KCNMA1: variants seen among roughly 807,000 people sequenced by gnomAD.
The protein encoded by KCNMA1 is potassium calcium-activated channel subfamily M alpha 1, also known as Calcium-activated potassium channel subunit alpha-1.
A neutral mutation model predicts 140.0 loss-of-function variants in KCNMA1; 29 were observed. That is an observed-to-expected ratio of 0.21 (90% CI 0.15 to 0.28). The LOEUF (loss-of-function observed/expected upper bound fraction) is 0.28. KCNMA1 is among the 10% of genes least tolerant of loss of function. The pLI, the probability that KCNMA1 is intolerant of heterozygous loss-of-function variation, is 1.00. For missense variants in KCNMA1, 880 were observed against 1,602.2 expected, an observed-to-expected ratio of 0.55 and a Z score of 7.70; for synonymous variants, 612 against 611.9, an observed-to-expected ratio of 1.00 and a Z score of 0.00.
At chr10:77,039,782 A>T (rs535055696) in intron 14 of KCNMA1, 145 bp from the exon 15 acceptor site, 33 of 690,128 alleles carry the variant, frequency 4.8e-5, no homozygotes, top group Admixed American at 1.2e-4. Context: ...CGGCCTCTGC[A>T]CCCATATAAA....
chr10:77,477,448 G>T (rs2098302528), intron 1 of KCNMA1, among the ~76,000 whole-genome samples: 1 of 152,270 alleles, frequency 6.6e-6, no homozygotes, highest in African/African-American at 2.4e-5. Context: ...GGCTCACAGG[G>T]GAAAGACTGC....
chr10:77,144,976 G>A lies in KCNMA1; in HGVS notation c.809-23928C>T, dbSNP rs116349171. Reference sequence around the variant, plus strand: ...AACGATGTTTGCAAAGCTCTGCACAGGGTCTGACACTCAGCAAATTCTCCT... The same window carrying A: ...AACGATGTTTGCAAAGCTCTGCACAAGGTCTGACACTCAGCAAATTCTCCT... On this transcript the variant is annotated intron_variant, in intron 5 of 27. Coordinates refer to ENST00000286628, the MANE Select transcript of KCNMA1 (RefSeq NM_001161352.2). 4.9e-3 allele frequency among the ~76,000 whole-genome samples: 753 copies of A among 152,288 alleles called. 8 individuals carry two copies. The highest frequency in any genetic ancestry group is 0.018 in the African/African-American group (730 of 41,546).
chr10:77,048,769 T>C (rs2095230917), intron 14 of KCNMA1, among the ~76,000 whole-genome samples: 1 of 152,182 alleles, frequency 6.6e-6, no homozygotes, highest in Non-Finnish European at 1.5e-5. Flanking sequence ...CATGACTTTT[T>C]TGTTTTTTTG....
At chr10:77,434,002 G>T (rs1376487307) in intron 1 of KCNMA1, among the ~76,000 whole-genome samples, 1 of 152,208 alleles carries the variant, frequency 6.6e-6, no homozygotes, top group Admixed American at 6.5e-5. Context: ...CATTTAGGAA[G>T]CTCAGTTAAA....
chr10:76,921,664 C>T (rs999544574), intron 23 of KCNMA1, among the ~76,000 whole-genome samples: 1 of 152,140 alleles, frequency 6.6e-6, no homozygotes, highest in African/African-American at 2.4e-5. Flanking sequence ...GTCATTTTTG[C>T]AGTATGTATT....
chr10:77,548,875 G>T (rs546644228), intron 1 of KCNMA1, among the ~76,000 whole-genome samples: 1 of 152,180 alleles, frequency 6.6e-6, no homozygotes, highest in South Asian at 2.1e-4. Flanking sequence ...GGATATAGTG[G>T]CAATCAAGAT....
At chr10:77,072,739 T>C (rs994905225) in intron 14 of KCNMA1, among the ~76,000 whole-genome samples, 5 of 152,142 alleles carry the variant, frequency 3.3e-5, no homozygotes, top group African/African-American at 7.2e-5. Context: ...CCACTTGATA[T>C]AAAAGAGCAA....
At chr10:77,589,344 G>A (rs1437977859) in intron 1 of KCNMA1, among the ~76,000 whole-genome samples, 1 of 152,134 alleles carries the variant, frequency 6.6e-6, no homozygotes, top group Non-Finnish European at 1.5e-5. Flanking sequence ...GAAGCACATG[G>A]ACGGCCCTTC....
At chr10:77,083,140 C>A (rs1048004643) in intron 12 of KCNMA1, among the ~76,000 whole-genome samples, 3 of 152,126 alleles carry the variant, frequency 2.0e-5, no homozygotes, top group Non-Finnish European at 4.4e-5. Context: ...GGTAAAAGTT[C>A]CTGGGAATGC....
intron 1 of KCNMA1, among the ~76,000 whole-genome samples, chr10:77,476,902 G>T (rs2098291951): frequency 6.6e-6 from 1 of 152,208 alleles, no homozygotes; most frequent in Non-Finnish European, 1.5e-5. Flanking sequence ...ACTTGAGATT[G>T]GAGAGGAAAA....
intron 2 of KCNMA1, among the ~76,000 whole-genome samples, chr10:77,266,191 T>A (rs903395371): frequency 2.6e-5 from 4 of 151,914 alleles, no homozygotes; most frequent in East Asian, 1.9e-4. Flanking sequence ...AAAGAAAGCA[T>A]TCAGAAAGCA....
chr10:76,879,778 A>G (rs918329877), intron 29 of KCNMA1, among the ~76,000 whole-genome samples: 3 of 152,260 alleles, frequency 2.0e-5, no homozygotes, highest in Admixed American at 2.0e-4. Context: ...TAGATGAACC[A>G]TTATGCATTT....
intron 1 of KCNMA1, chr10:77,636,979 C>A (rs2093816434): frequency 2.1e-6 from 3 of 1,410,864 alleles, no homozygotes; most frequent in Non-Finnish European, 2.7e-6. Context: ...GTCCCCGACC[C>A]CGGCCCCAGC....
chr10:77,524,466 A>G (rs1007445586), intron 1 of KCNMA1, among the ~76,000 whole-genome samples: 1 of 152,216 alleles, frequency 6.6e-6, no homozygotes, highest in Non-Finnish European at 1.5e-5. Context: ...CTCTCTCAGA[A>G]TAATAAGAAG....
intron 25 of KCNMA1, among the ~76,000 whole-genome samples, chr10:76,906,482 ATAT>A (rs2047881652): frequency 6.6e-6 from 1 of 152,216 alleles, no homozygotes; most frequent in African/African-American, 2.4e-5. Context: ...ATGAATCAAA[ATAT>A]TATTCTTTTA....
In KCNMA1 at chr10:77,302,290, C is replaced by G. The variant is rs569729403; in HGVS notation, c.541-51034G>C. On this transcript the variant is annotated intron_variant, in intron 2 of 27. Transcript: ENST00000286628. ...CTCCAGGAGCTATTGGTTGAGAATC[C>G]TCTCTTTTTTGCATCCCTGGGTTGC... 3.9e-5 allele frequency among the ~76,000 whole-genome samples: 6 copies of G among 152,180 alleles called. No homozygotes were observed. In the South Asian group the frequency reaches 1.0e-3, roughly 26 times the overall value.
chr10:77,486,807 C>G (rs1431497520), intron 1 of KCNMA1, among the ~76,000 whole-genome samples: 3 of 152,224 alleles, frequency 2.0e-5, no homozygotes, highest in African/African-American at 7.2e-5. Context: ...TCCTCTGTCT[C>G]CATTTCCAGC....
At chr10:77,541,450 G>T (rs760571827) in intron 1 of KCNMA1, among the ~76,000 whole-genome samples, 1 of 152,008 alleles carries the variant, frequency 6.6e-6, no homozygotes, top group Non-Finnish European at 1.5e-5. Context: ...TCCCTATTTT[G>T]CATGAGACTG....
At chr10:77,110,657 G>C (rs965163413) in intron 7 of KCNMA1, among the ~76,000 whole-genome samples, 2 of 152,196 alleles carry the variant, frequency 1.3e-5, no homozygotes, top group Non-Finnish European at 2.9e-5. Flanking sequence ...CTAAAATTCA[G>C]GGCATTGCCT....
Sources: gnomAD v4.1 joint callset for allele counts (sites outside exome capture counted in the v4.1 genomes callset) on GRCh38, gnomAD v4.1.1 for gene constraint, MANE v1.5 for transcripts, NCBI Gene and HGNC (gene_info 2026-07-23, HGNC 2026-07-21) for gene names.